CLVS1: variants seen among roughly 807,000 people sequenced by gnomAD.
CLVS1 encodes the protein clavesin 1.
In CLVS1, 10 loss-of-function variants were observed where a neutral mutation model predicts 33.1. The ratio of observed to expected loss-of-function variants is 0.30; its 90% CI spans 0.19 to 0.51. The LOEUF (loss-of-function observed/expected upper bound fraction) is 0.51, where lower values mean the gene tolerates loss of function less well. CLVS1 is among the 20% of genes least tolerant of loss of function. The pLI is 0.97. For missense variants in CLVS1, 343 were observed against 433.4 expected (o/e 0.79, Z 1.85); for synonymous variants, 163 against 166.1 (o/e 0.98, Z 0.14).
At chr8:61,347,598 A>G (rs1040446656) in intron 2 of CLVS1, among the ~76,000 whole-genome samples, 1 of 135,832 alleles carries the variant, frequency 7.4e-6, no homozygotes, top group South Asian at 2.3e-4. Flanking sequence ...ATACATGTTT[A>G]TTTTATTAGC....
chr8:61,442,268 A>T (rs1388935811), intron 3 of CLVS1, among the ~76,000 whole-genome samples: 3 of 152,160 alleles, frequency 2.0e-5, no homozygotes, highest in Non-Finnish European at 4.4e-5. Context: ...TGTTGTAGAT[A>T]TCGACAGTTT....
At chr8:61,095,591 T>C (rs959140387) in intron 1 of CLVS1, among the ~76,000 whole-genome samples, 1 of 152,192 alleles carries the variant, frequency 6.6e-6, no homozygotes, top group Admixed American at 6.5e-5. Context: ...CCTGATCTAC[T>C]GGTTGAGAAA....
intron 1 of CLVS1, among the ~76,000 whole-genome samples, chr8:61,095,484 T>TG (rs1274518250): frequency 6.6e-6 from 1 of 152,090 alleles, no homozygotes; most frequent in Non-Finnish European, 1.5e-5. Context: ...TAGGAGGTGC[T>TG]GGGTAGGCAG....
intron 1 of CLVS1, among the ~76,000 whole-genome samples, chr8:61,079,362 A>G (rs1032493411): frequency 6.6e-5 from 10 of 152,122 alleles, no homozygotes; most frequent in African/African-American, 2.4e-4. Context: ...CTGGCCATTC[A>G]ATTTAGTTCC....
intron 3 of CLVS1, among the ~76,000 whole-genome samples, chr8:61,395,577 T>C (rs1470117874): frequency 1.3e-5 from 2 of 152,120 alleles, no homozygotes; most frequent in Non-Finnish European, 2.9e-5. Flanking sequence ...CCCATAAATA[T>C]ACACAATTAT....
chr8:61,333,009 A>G (rs1185779723), intron 2 of CLVS1, among the ~76,000 whole-genome samples: 1 of 152,116 alleles, frequency 6.6e-6, no homozygotes, highest in Non-Finnish European at 1.5e-5. Context: ...TTTCGTTCAT[A>G]TGTTTTGTTT....
At chr8:61,097,870 G>A (rs1051734714) in intron 1 of CLVS1, among the ~76,000 whole-genome samples, 1 of 152,188 alleles carries the variant, frequency 6.6e-6, no homozygotes, top group Non-Finnish European at 1.5e-5. Flanking sequence ...CTACAATCAT[G>A]TGGAAGAATG....
chr8:61,393,597 A>T (rs2129603004), intron 3 of CLVS1, among the ~76,000 whole-genome samples: 1 of 152,270 alleles, frequency 6.6e-6, no homozygotes, highest in South Asian at 2.1e-4. Context: ...CCATGGGGTG[A>T]TCCCTTGATA....
chr8:61,362,605 T>C (rs1813035070), intron 2 of CLVS1, among the ~76,000 whole-genome samples: 1 of 152,226 alleles, frequency 6.6e-6, no homozygotes, highest in Admixed American at 6.5e-5. Context: ...CTGGTAGTAT[T>C]CTCTAAATAT....
At chr8:61,352,177 G>A (rs183495233) in intron 2 of CLVS1, among the ~76,000 whole-genome samples, 2 of 152,054 alleles carry the variant, frequency 1.3e-5, no homozygotes, top group Admixed American at 1.3e-4. Flanking sequence ...TACTTCATTG[G>A]AAAAGGTAAA....
intron 2 of CLVS1, among the ~76,000 whole-genome samples, chr8:61,187,370 C>T (rs769430600): frequency 9.2e-5 from 14 of 152,152 alleles, no homozygotes; most frequent in Admixed American, 2.0e-4. Context: ...CTTACCACCT[C>T]AAACCTTTCC....
intron 2 of CLVS1, among the ~76,000 whole-genome samples, chr8:61,376,164 C>T (rs1033704217): frequency 2.1e-4 from 32 of 152,290 alleles, no homozygotes; most frequent in African/African-American, 7.7e-4. Flanking sequence ...TCAAAATAAA[C>T]ACCTCTGATT....
chr8:61,082,726 T>C (rs530951991), intron 1 of CLVS1, among the ~76,000 whole-genome samples: 1 of 152,324 alleles, frequency 6.6e-6, no homozygotes, highest in East Asian at 1.9e-4. Context: ...CCTAGAATTC[T>C]GTGTCTGGAG....
At chr8:61,168,822 A>G (rs1008148213) in intron 2 of CLVS1, among the ~76,000 whole-genome samples, 1 of 152,236 alleles carries the variant, frequency 6.6e-6, no homozygotes, top group Non-Finnish European at 1.5e-5. Context: ...ACTCTGTCAG[A>G]TTGCTACTGC....
At chr8:61,174,628 TTATAAATTAC>T in intron 2 of CLVS1, among the ~76,000 whole-genome samples, 1 of 152,320 alleles carries the variant, frequency 6.6e-6, no homozygotes, top group Non-Finnish European at 1.5e-5. Context: ...TTTTTGACCA[TTATAAATTAC>T]TGTGCCTCAT....
the CLVS1 span, among the ~76,000 whole-genome samples, chr8:60,980,835 C>A: frequency 6.6e-6 from 1 of 152,124 alleles, no homozygotes; most frequent in Non-Finnish European, 1.5e-5. Flanking sequence ...AAATTAAGGA[C>A]CTTGAGATGA....
At chr8:61,259,929 T>C (rs1809165178) in intron 2 of CLVS1, among the ~76,000 whole-genome samples, 1 of 152,178 alleles carries the variant, frequency 6.6e-6, no homozygotes, top group Non-Finnish European at 1.5e-5. Context: ...AGCACCACCT[T>C]ACATTTCCTC....
chr8:61,021,144 G>A, the CLVS1 span, among the ~76,000 whole-genome samples: 1 of 152,104 alleles, frequency 6.6e-6, no homozygotes, highest in Non-Finnish European at 1.5e-5. Flanking sequence ...ACTTTCAAGA[G>A]CCTGCAATAT....
At chr8:61,370,064 T>A (rs1348695336) in intron 2 of CLVS1, among the ~76,000 whole-genome samples, 1 of 152,186 alleles carries the variant, frequency 6.6e-6, no homozygotes, top group Non-Finnish European at 1.5e-5. Flanking sequence ...AAGACATAGA[T>A]ATTTGGCAAA....
Sources: allele counts gnomAD v4.1 joint callset (sites outside exome capture counted in the v4.1 genomes callset), GRCh38; gene constraint gnomAD v4.1.1; transcripts MANE v1.5; gene names NCBI Gene and HGNC (gene_info 2026-07-23, HGNC 2026-07-21).